Variants in SRGAP3 observed in about 807,000 individuals in gnomAD.
SRGAP3 encodes the protein SLIT-ROBO Rho GTPase activating protein 3.
SRGAP3 carries 39 observed loss-of-function variants against 121.1 expected under a neutral mutation model. The observed-to-expected ratio is 0.32, with a 90% CI of 0.25 to 0.42. SRGAP3 has a LOEUF of 0.42. Among genes scored for constraint, SRGAP3 ranks in the 10% least tolerant of loss-of-function variants. The pLI is 1.00. For missense variants in SRGAP3, 1,213 were observed against 1,470.6 expected, an observed-to-expected ratio of 0.82 and a Z score of 2.86; for synonymous variants, 601 against 570.0, an observed-to-expected ratio of 1.05 and a Z score of -0.77.
chr3:9,294,417 A>G (rs1261842175), intron 3 of SRGAP3, among the ~76,000 whole-genome samples: 1 of 152,132 alleles, frequency 6.6e-6, no homozygotes, highest in Admixed American at 6.6e-5. Flanking sequence ...AAAATAACTA[A>G]TAGGTACTAG....
chr3:9,344,229 C>T (rs1035458384), intron 1 of SRGAP3, among the ~76,000 whole-genome samples: 4 of 151,954 alleles, frequency 2.6e-5, no homozygotes, highest in African/African-American at 4.8e-5. Context: ...CCGAGGCGGG[C>T]GGATCACCTG....
chr3:9,010,504 C>A, intron 17 of SRGAP3, 117 bp from the exon 18 acceptor site: 1 of 1,008,618 alleles, frequency 9.9e-7, no homozygotes, highest in Non-Finnish European at 1.6e-6. Context: ...CAGATGCAGG[C>A]CTATACCATC....
At chr3:9,361,114 T>C (rs1689607190) in intron 1 of SRGAP3, among the ~76,000 whole-genome samples, 1 of 152,220 alleles carries the variant, frequency 6.6e-6, no homozygotes, top group African/African-American at 2.4e-5. Context: ...TTTTTCATTT[T>C]ATTTTTGAGA....
chr3:8,991,948 G>A (rs1465825484), intron 20 of SRGAP3, among the ~76,000 whole-genome samples: 2 of 152,202 alleles, frequency 1.3e-5, no homozygotes, highest in Admixed American at 6.5e-5. Flanking sequence ...AAGAGAGGCA[G>A]AAGATATGGT....
intron 3 of SRGAP3, among the ~76,000 whole-genome samples, chr3:9,309,560 CA>C (rs1304087184): frequency 1.3e-5 from 2 of 152,114 alleles, no homozygotes. Context: ...TGAAAGGAAT[CA>C]AGATAAAGCC....
chr3:9,025,605 C>G (rs1204517994), intron 13 of SRGAP3, among the ~76,000 whole-genome samples: 1 of 152,192 alleles, frequency 6.6e-6, no homozygotes, highest in Non-Finnish European at 1.5e-5. Flanking sequence ...GTATCAATAC[C>G]TTTCCTTCCC....
chr3:9,259,341 T>C (rs1234351741), intron 3 of SRGAP3, among the ~76,000 whole-genome samples: 3 of 152,126 alleles, frequency 2.0e-5, no homozygotes, highest in African/African-American at 4.8e-5. Context: ...TGAAATGACA[T>C]GATCACAGAC....
At chr3:9,135,076 A>G (rs1372412713) in intron 1 of SRGAP3, among the ~76,000 whole-genome samples, 1 of 152,190 alleles carries the variant, frequency 6.6e-6, no homozygotes, top group East Asian at 1.9e-4. Context: ...CACTAGCCAC[A>G]TGTGGCTATT....
intron 3 of SRGAP3, among the ~76,000 whole-genome samples, chr3:9,268,532 G>A (rs1253717101): frequency 2.6e-5 from 4 of 152,050 alleles, no homozygotes; most frequent in Non-Finnish European, 5.9e-5. Flanking sequence ...AGCCTGGGGA[G>A]ACTAAGACAG....
intron 21 of SRGAP3, among the ~76,000 whole-genome samples, chr3:8,988,533 G>A (rs1197124159): frequency 6.6e-6 from 1 of 152,008 alleles, no homozygotes; most frequent in African/African-American, 2.4e-5. Flanking sequence ...TCTGCAAACT[G>A]AGAACACATG....
At position 9,155,643 on chromosome 3, in the gene SRGAP3, T is replaced by C. The variant is rs369777353; in HGVS notation, c.68-30726A>G. Among the ~76,000 whole-genome samples the C allele has an allele frequency of 2.6e-5, 4 of 152,296 alleles. No homozygotes were observed. In the South Asian group the frequency reaches 8.3e-4, roughly 32 times the overall value. On this transcript the variant is annotated intron_variant, in intron 1 of 21. Transcript: ENST00000383836. ...TCAGCACTGGCTTTTAATTCACTAA[T>C]TCTTCAATTATGTCCAGTATCAAGT...
intron 1 of SRGAP3, among the ~76,000 whole-genome samples, chr3:9,180,496 C>G (rs963586933): frequency 1.3e-5 from 2 of 152,140 alleles, no homozygotes; most frequent in African/African-American, 4.8e-5. Context: ...CCAAGATGAA[C>G]TCGGGGAGCA....
intron 1 of SRGAP3, among the ~76,000 whole-genome samples, chr3:9,152,534 G>T (rs376382529): frequency 1.3e-5 from 2 of 152,226 alleles, no homozygotes; most frequent in Non-Finnish European, 2.9e-5. Context: ...AGTGAGCAGG[G>T]GGAGGAAGCC....
chr3:9,119,925 T>C (rs1948941842), intron 2 of SRGAP3, among the ~76,000 whole-genome samples: 1 of 152,202 alleles, frequency 6.6e-6, no homozygotes, highest in South Asian at 2.1e-4. Flanking sequence ...CAATGCCACA[T>C]ACAGCAGAAA....
chr3:9,023,523 T>C (rs1482682560), intron 14 of SRGAP3, among the ~76,000 whole-genome samples: 1 of 152,148 alleles, frequency 6.6e-6, no homozygotes, highest in Admixed American at 6.5e-5. Context: ...CAAGGAAACC[T>C]TCCCTGGCTT....
intron 6 of SRGAP3, 127 bp downstream of exon 6, chr3:9,060,104 G>T: frequency 1.4e-6 from 2 of 1,456,614 alleles, no homozygotes; most frequent in Non-Finnish European, 1.9e-6. Context: ...CCTCCAGCAG[G>T]GCTCAAAAGA....
intron 1 of SRGAP3, among the ~76,000 whole-genome samples, chr3:9,151,804 A>G (rs1481490670): frequency 2.0e-5 from 3 of 152,206 alleles, no homozygotes; most frequent in African/African-American, 7.2e-5. Context: ...GAGCCGAAGT[A>G]AGGAAAGGTA....
chr3:9,181,489 C>T (rs113865503), intron 1 of SRGAP3, among the ~76,000 whole-genome samples: 1 of 152,244 alleles, frequency 6.6e-6, no homozygotes, highest in African/African-American at 2.4e-5. Flanking sequence ...GGAAGATTCT[C>T]GGAAAAATCT....
intron 2 of SRGAP3, among the ~76,000 whole-genome samples, chr3:9,327,284 T>C (rs1015969200): frequency 6.6e-6 from 1 of 151,878 alleles, no homozygotes; most frequent in Admixed American, 6.5e-5. Flanking sequence ...AAAAACTGAA[T>C]AACACCATTT....
Sources: gnomAD v4.1 joint callset for allele counts (sites outside exome capture counted in the v4.1 genomes callset) on GRCh38, gnomAD v4.1.1 for gene constraint, MANE v1.5 for transcripts, NCBI Gene and HGNC (gene_info 2026-07-23, HGNC 2026-07-21) for gene names.